PALLD: variants seen among roughly 807,000 people sequenced by gnomAD.
PALLD encodes the protein palladin, cytoskeletal associated protein.
In PALLD, 61 loss-of-function variants were observed where a neutral mutation model predicts 123.5. The observed-to-expected ratio is 0.49, with a 90% CI of 0.40 to 0.61. The LOEUF is 0.61. PALLD is among the 20% of genes least tolerant of loss of function. The pLI, the probability that PALLD is intolerant of heterozygous loss-of-function variation, is 0.00. For synonymous variants in PALLD, 465 were observed against 496.4 expected (o/e 0.94, Z 0.84); for missense variants, 1,273 against 1,377.0 (o/e 0.92, Z 1.20).
chr4:168,524,319 G>A (rs543041484), intron 2 of PALLD, among the ~76,000 whole-genome samples: 1 of 152,212 alleles, frequency 6.6e-6, no homozygotes, highest in East Asian at 1.9e-4. Flanking sequence ...TAGATTCAGT[G>A]AACTAGAAAT....
intron 10 of PALLD, among the ~76,000 whole-genome samples, chr4:168,807,601 G>A (rs1740417217): frequency 6.6e-6 from 1 of 151,908 alleles, no homozygotes; most frequent in African/African-American, 2.4e-5. Context: ...TAGAGACATG[G>A]TTTCTCCATG....
chr4:168,535,214 C>G (rs187360020), intron 2 of PALLD, among the ~76,000 whole-genome samples: 2 of 152,264 alleles, frequency 1.3e-5, no homozygotes, highest in East Asian at 1.9e-4. Flanking sequence ...CCCATAGATA[C>G]TGAGGAATGA....
chr4:168,748,744 C>T (rs1037057481), intron 10 of PALLD, among the ~76,000 whole-genome samples: 3 of 152,082 alleles, frequency 2.0e-5, no homozygotes, highest in Non-Finnish European at 4.4e-5. Context: ...TATGACCGGG[C>T]CTTGGTCTCT....
intron 6 of PALLD, among the ~76,000 whole-genome samples, chr4:168,685,790 T>C (rs918702549): frequency 9.3e-6 from 1 of 107,846 alleles, no homozygotes; most frequent in Non-Finnish European, 1.8e-5. Flanking sequence ...TAAAATCTAG[T>C]GGGAAAGCCA....
intron 2 of PALLD, among the ~76,000 whole-genome samples, chr4:168,561,764 T>C (rs1767891441): frequency 6.6e-6 from 1 of 152,196 alleles, no homozygotes; most frequent in Admixed American, 6.5e-5. Flanking sequence ...TTACTTGAAG[T>C]AGAGTGGTTC....
At chr4:168,678,153 C>T (rs1781058616) in intron 3 of PALLD, 1 of 152,112 alleles carries the variant, frequency 6.6e-6, no homozygotes, top group Non-Finnish European at 1.5e-5. Context: ...AGGTCACAGA[C>T]CACGAGGCTC....
At position 168,878,188 on chromosome 4, in the gene PALLD, G is replaced by C; in HGVS notation, c.1965-12734G>C. The C allele has an allele frequency of 1.6e-6, 2 of 1,219,996 alleles. No homozygotes were observed. The highest frequency in any genetic ancestry group is 2.1e-6 in the Non-Finnish European group (2 of 944,972). 75.6% of individuals were successfully genotyped at this position (1,219,996 alleles called of 1,614,324 possible). A position where few individuals can be genotyped will look rare whatever the true frequency, so the allele number is the denominator to read the frequency against. On this transcript the variant is annotated intron_variant, in intron 10 of 21. Transcript: ENST00000505667. ...CGCCACCCCCGGTCTTCAGCCCCAC[G>C]GCTGCCTTCCCGGTGCCCGACGTGT...
intron 2 of PALLD, among the ~76,000 whole-genome samples, chr4:168,543,108 C>T (rs1765800754): frequency 6.6e-6 from 1 of 152,086 alleles, no homozygotes; most frequent in South Asian, 2.1e-4. Flanking sequence ...ATTAAGAGCA[C>T]AGCCTCTGAG....
chr4:168,781,107 G>A (rs577072454), intron 10 of PALLD, among the ~76,000 whole-genome samples: 2 of 152,238 alleles, frequency 1.3e-5, no homozygotes, highest in African/African-American at 4.8e-5. Context: ...ATACTTGTTG[G>A]CTTTCTTTCT....
chr4:168,530,843 C>T (rs1764533482), intron 2 of PALLD: 1 of 152,208 alleles, frequency 6.6e-6, no homozygotes, highest in African/African-American at 2.4e-5. Flanking sequence ...CCACTACTCA[C>T]CTCTCTCTCC....
chr4:168,831,963 G>A, intron 10 of PALLD: 2 of 980,398 alleles, frequency 2.0e-6, no homozygotes, highest in East Asian at 1.1e-4. Flanking sequence ...CCAGAGCTGC[G>A]AGCCACGCCT....
chr4:168,631,872 G>A (rs1397580652), intron 2 of PALLD: 26 of 985,386 alleles, frequency 2.6e-5, no homozygotes, highest in Non-Finnish European at 3.1e-5. Flanking sequence ...GTTTGGGAGT[G>A]GGGGCAGACG....
intron 2 of PALLD, among the ~76,000 whole-genome samples, chr4:168,656,571 T>C (rs983100135): frequency 6.6e-6 from 1 of 152,178 alleles, no homozygotes; most frequent in Admixed American, 6.5e-5. Flanking sequence ...CAATGAGCTG[T>C]AAGTAGGACA....
chr4:168,719,438 T>C lies in PALLD; in HGVS notation c.1964+7515T>C, dbSNP rs112574225. 2.3e-3 allele frequency among the ~76,000 whole-genome samples: 356 copies of C among 151,854 alleles called. 1 individual carries two copies. Among genetic ancestry groups the C allele is most frequent in the African/African-American group, 8.1e-3 (334 of 41,418 alleles). ...TTGCCTGGCTAATTTTTTTGTACTT[T>C]TAGTAGAGACGAGGTTTCACCATGT... On this transcript the variant is annotated intron_variant, in intron 10 of 21. Coordinates refer to ENST00000505667, the MANE Select transcript of PALLD (RefSeq NM_001166108.2).
intron 10 of PALLD, among the ~76,000 whole-genome samples, chr4:168,838,132 A>G (rs1329090859): frequency 6.6e-6 from 1 of 152,226 alleles, no homozygotes; most frequent in East Asian, 1.9e-4. Context: ...CACCCTCATC[A>G]GTCACTGCTT....
At chr4:168,508,205 T>C (rs1762191843) in intron 1 of PALLD, among the ~76,000 whole-genome samples, 1 of 152,208 alleles carries the variant, frequency 6.6e-6, no homozygotes, top group Admixed American at 6.5e-5. Context: ...TGCCCTGATC[T>C]GATCACTATA....
intron 10 of PALLD, among the ~76,000 whole-genome samples, chr4:168,746,025 A>T (rs998769236): frequency 1.3e-5 from 2 of 152,196 alleles, no homozygotes; most frequent in Non-Finnish European, 2.9e-5. Flanking sequence ...TCGGGAAATC[A>T]TGTGTCCAAA....
chr4:168,544,618 C>A (rs1378612120), intron 2 of PALLD, among the ~76,000 whole-genome samples: 1 of 152,160 alleles, frequency 6.6e-6, no homozygotes, highest in African/African-American at 2.4e-5. Flanking sequence ...TACTAAAATA[C>A]TTAAGTGAAT....
chr4:168,760,839 T>C (rs1310995788), intron 10 of PALLD, among the ~76,000 whole-genome samples: 1 of 152,234 alleles, frequency 6.6e-6, no homozygotes, highest in African/African-American at 2.4e-5. Context: ...CTTGTAACTT[T>C]CAAAATCTAT....
Sources: allele counts gnomAD v4.1 joint callset (sites outside exome capture counted in the v4.1 genomes callset), GRCh38; gene constraint gnomAD v4.1.1; transcripts MANE v1.5; gene names NCBI Gene and HGNC (gene_info 2026-07-23, HGNC 2026-07-21).